Variants in ATXN7L1 observed in about 807,000 individuals in gnomAD.
ATXN7L1 encodes the protein ataxin-7-like protein 1.
In ATXN7L1, 15 loss-of-function variants were observed where a neutral mutation model predicts 70.8. The ratio of observed to expected loss-of-function variants is 0.21; its 90% CI spans 0.14 to 0.33. ATXN7L1 has a LOEUF of 0.33. Ranked by LOEUF, ATXN7L1 falls within the 10% of genes least tolerant of loss-of-function variation. The probability of loss-of-function intolerance (pLI) is 1.00; values close to 1 mark genes in which losing one functional copy is unlikely to be tolerated. For synonymous variants in ATXN7L1, 440 were observed against 445.1 expected, an observed-to-expected ratio of 0.99 and a Z score of 0.14; for missense variants, 975 against 1,097.1, an observed-to-expected ratio of 0.89 and a Z score of 1.57.
intron 9 of ATXN7L1, among the ~76,000 whole-genome samples, chr7:105,619,530 ATTTTTTTTTTTTTTT>A (rs10593739): frequency 0.042 from 593 of 14,066 alleles, 7 homozygotes; most frequent in Middle Eastern, 0.062. Flanking sequence ...ATATATATAT[ATTTTTTTTTTTTTTT>A]TTTTTTTTTT....
chr7:105,825,043 TCA>T (rs765698361), intron 2 of ATXN7L1, among the ~76,000 whole-genome samples: 2 of 152,142 alleles, frequency 1.3e-5, no homozygotes, highest in African/African-American at 2.4e-5. Context: ...GAAAGTGGTC[TCA>T]CACAAGACTG....
chr7:105,807,159 C>T (rs1807737071), intron 2 of ATXN7L1, among the ~76,000 whole-genome samples: 2 of 152,206 alleles, frequency 1.3e-5, no homozygotes, highest in South Asian at 4.1e-4. Flanking sequence ...CACCACAATG[C>T]CAGCTACATT....
At chr7:105,763,993 A>G (rs1253743704) in intron 3 of ATXN7L1, among the ~76,000 whole-genome samples, 1 of 152,036 alleles carries the variant, frequency 6.6e-6, no homozygotes, top group African/African-American at 2.4e-5. Context: ...AGCTGGGATT[A>G]CAGGTGCCCG....
In ATXN7L1 at chr7:105,776,503, C is replaced by A. The variant is rs949087408; in HGVS notation, c.355+12101G>T. 1.8e-4 allele frequency among the ~76,000 whole-genome samples: 26 copies of A among 144,360 alleles called. No individual in the cohort carries two copies. The East Asian group carries it at 1.9e-3, about 10-fold the overall frequency. The allele number at this position is 144,360 out of a possible 152,430, so 94.7% of individuals were successfully genotyped here. ...ACAAACAAACAAACAACCCCCCCCC[C>A]AAAACAAACAAACAAACAAAAAACA... is the stretch of plus-strand genomic sequence containing the variant. On this transcript the variant is annotated intron_variant, in intron 3 of 11. Coordinates refer to ENST00000419735, the MANE Select transcript of ATXN7L1 (RefSeq NM_020725.2).
chr7:105,696,330 C>T (rs955647109), intron 3 of ATXN7L1, among the ~76,000 whole-genome samples: 4 of 152,170 alleles, frequency 2.6e-5, no homozygotes, highest in Non-Finnish European at 4.4e-5. Flanking sequence ...AGGACATTTG[C>T]ATCCATGCTG....
intron 2 of ATXN7L1, among the ~76,000 whole-genome samples, chr7:105,874,771 C>A (rs961619955): frequency 6.6e-6 from 1 of 152,174 alleles, no homozygotes; most frequent in African/African-American, 2.4e-5. Context: ...TCCATCTTTC[C>A]ACGCAGGCTT....
intron 2 of ATXN7L1, among the ~76,000 whole-genome samples, chr7:105,855,260 T>C (rs549745286): frequency 6.6e-6 from 1 of 152,232 alleles, no homozygotes; most frequent in Non-Finnish European, 1.5e-5. Context: ...GTAAAAATTT[T>C]AGGCTTTGTC....
At chr7:105,646,961 G>A (rs1250258550) in intron 4 of ATXN7L1, among the ~76,000 whole-genome samples, 1 of 151,732 alleles carries the variant, frequency 6.6e-6, no homozygotes, top group Non-Finnish European at 1.5e-5. Context: ...AAAAAAATTA[G>A]AAGAATCTGT....
chr7:105,817,487 C>T (rs891716567), intron 2 of ATXN7L1, among the ~76,000 whole-genome samples: 9 of 152,154 alleles, frequency 5.9e-5, no homozygotes, highest in Admixed American at 1.3e-4. Flanking sequence ...TAAAATACCA[C>T]GAAGAATGTA....
chr7:105,795,492 T>C (rs1231098597), intron 2 of ATXN7L1, among the ~76,000 whole-genome samples: 1 of 152,232 alleles, frequency 6.6e-6, no homozygotes, highest in Non-Finnish European at 1.5e-5. Context: ...AGGATCAAGC[T>C]AGATGCTGCG....
rs1793630631 is a variant in ATXN7L1 at position 105,614,842 on chromosome 7, G to C, written c.1518-26C>G. On this transcript the variant is annotated intron_variant, in intron 9 of 11. Coordinates refer to ENST00000419735, the MANE Select transcript of ATXN7L1 (RefSeq NM_020725.2). The surrounding 1 kb of genome is among the most constrained non-coding windows in gnomAD (Gnocchi z 4.3). ...CTAAACATGAGAGAAGAGTGAAAGAGAATCAGTGAGACATCGGGTTGGCAT... is the reference window on the plus strand; with the variant it reads ...CTAAACATGAGAGAAGAGTGAAAGACAATCAGTGAGACATCGGGTTGGCAT... 1.3e-6 allele frequency: 2 copies of C among 1,531,136 alleles called. No homozygotes were observed. Among genetic ancestry groups the C allele is most frequent in the East Asian group, 2.5e-5 (1 of 40,674 alleles). The allele number at this position is 1,531,136 out of a possible 1,614,324, so 94.8% of individuals were successfully genotyped here.
At chr7:105,863,885 A>C (rs1183027570) in intron 2 of ATXN7L1, among the ~76,000 whole-genome samples, 1 of 151,466 alleles carries the variant, frequency 6.6e-6, no homozygotes, top group African/African-American at 2.4e-5. Flanking sequence ...AAAAAAACAC[A>C]TAAGTTGGGC....
rs556048408 is a variant in ATXN7L1 at position 105,740,784 on chromosome 7, T to TTTTTTTTTTTTTTTTTTTTTTTTTG, written c.355+47819_355+47820insCAAAAAAAAAAAAAAAAAAAAAAAA. On this transcript the variant is annotated intron_variant, in intron 3 of 11. Coordinates refer to ENST00000419735, the MANE Select transcript of ATXN7L1 (RefSeq NM_020725.2). ...GGCTCCATTCATTTTTTTTTTTTTT[T>TTTTTTTTTTTTTTTTTTTTTTTTTG]AATGGAGTCTCACTCTGTCGCCCAG... Among the ~76,000 whole-genome samples, 388 of 77,760 alleles carry TTTTTTTTTTTTTTTTTTTTTTTTTG rather than the reference T, an allele frequency of 5.0e-3. 112 individuals are homozygous for TTTTTTTTTTTTTTTTTTTTTTTTTG. The highest frequency in any genetic ancestry group is 0.011 in the African/African-American group (179 of 16,330). 51.0% of individuals were successfully genotyped at this position (77,760 alleles called of 152,430 possible).
chr7:105,750,252 T>C (rs1343609878), intron 3 of ATXN7L1, among the ~76,000 whole-genome samples: 3 of 151,302 alleles, frequency 2.0e-5, no homozygotes, highest in Non-Finnish European at 2.9e-5. Flanking sequence ...TTAAATATGA[T>C]GGATAATATA....
chr7:105,632,441 C>A (rs1584413065), intron 7 of ATXN7L1, among the ~76,000 whole-genome samples: 2 of 151,778 alleles, frequency 1.3e-5, no homozygotes, highest in South Asian at 2.1e-4. Flanking sequence ...GAGTAAGAGA[C>A]AAAAAGAGGT....
At chr7:105,796,117 C>A (rs1805955612) in intron 2 of ATXN7L1, among the ~76,000 whole-genome samples, 1 of 152,172 alleles carries the variant, frequency 6.6e-6, no homozygotes, top group Non-Finnish European at 1.5e-5. Flanking sequence ...GTAATCCCAG[C>A]ACTTTGGGAG....
At chr7:105,841,281 T>C (rs957765180) in intron 2 of ATXN7L1, among the ~76,000 whole-genome samples, 3 of 152,224 alleles carry the variant, frequency 2.0e-5, no homozygotes, top group African/African-American at 4.8e-5. Flanking sequence ...AGCCTCTCAC[T>C]GGCTGCCTCA....
At chr7:105,681,677 A>T (rs553435424) in intron 3 of ATXN7L1, among the ~76,000 whole-genome samples, 488 of 152,322 alleles carry the variant, frequency 3.2e-3, no homozygotes, top group African/African-American at 0.011. Context: ...TGAATAGAGA[A>T]TCCTATAATG....
chr7:105,723,825 G>A (rs1438631219), intron 3 of ATXN7L1, among the ~76,000 whole-genome samples: 3 of 152,154 alleles, frequency 2.0e-5, no homozygotes, highest in Non-Finnish European at 4.4e-5. Context: ...GGGCCGCCAG[G>A]GTCAGGGCTA....
Sources: allele counts gnomAD v4.1 joint callset (sites outside exome capture counted in the v4.1 genomes callset), GRCh38; gene constraint gnomAD v4.1.1; non-coding constraint Gnocchi (gnomAD v3.1); transcripts MANE v1.5; gene names NCBI Gene and HGNC (gene_info 2026-07-23, HGNC 2026-07-21).